Variants in MLKL observed in about 807,000 individuals in gnomAD.
MLKL encodes mixed lineage kinase domain like pseudokinase.
MLKL carries 55 observed loss-of-function variants against 56.5 expected under a neutral mutation model. The observed-to-expected ratio is 0.97, with a 90% CI of 0.78 to 1.22. MLKL has a LOEUF of 1.22. Ranked by LOEUF, MLKL falls within the 50% of genes most tolerant of loss-of-function variation. MLKL has a pLI of 0.00. For synonymous variants in MLKL, 251 were observed against 208.3 expected, an observed-to-expected ratio of 1.20 and a Z score of -1.76; for missense variants, 694 against 573.9, an observed-to-expected ratio of 1.21 and a Z score of -2.14.
At position 74,682,102 on chromosome 16, in the gene MLKL, A is replaced by C. The variant is rs866688722; in HGVS notation, c.956+549T>G. ...CTCTACAAAAAATATATATAAAAAAAAAACTGGCTGAGTGTAGTGGTGTGC... is the reference window on the plus strand; with the variant it reads ...CTCTACAAAAAATATATATAAAAAACAAACTGGCTGAGTGTAGTGGTGTGC... On this transcript the variant is annotated intron_variant, in intron 6 of 10. Coordinates refer to ENST00000308807, the MANE Select transcript of MLKL (RefSeq NM_152649.4). Among the ~76,000 whole-genome samples, 7 of 151,704 alleles carry C rather than the reference A, an allele frequency of 4.6e-5. No homozygotes were observed. In the South Asian group the frequency reaches 1.5e-3, roughly 32 times the overall value.
intron 6 of MLKL, among the ~76,000 whole-genome samples, chr16:74,680,207 G>T (rs190660688): frequency 6.6e-6 from 1 of 152,192 alleles, no homozygotes; most frequent in Non-Finnish European, 1.5e-5. Flanking sequence ...CCGAGAGGGG[G>T]ATGGGTAAAT....
At chr16:74,683,827 T>A (rs748347784) in intron 5 of MLKL, among the ~76,000 whole-genome samples, 1 of 152,130 alleles carries the variant, frequency 6.6e-6, no homozygotes, top group Non-Finnish European at 1.5e-5. Context: ...GGGTGAGGAC[T>A]CAGACAAGAA....
chr16:74,699,183 A>T (rs964537641), intron 1 of MLKL, among the ~76,000 whole-genome samples: 1 of 152,146 alleles, frequency 6.6e-6, no homozygotes, highest in African/African-American at 2.4e-5. Flanking sequence ...AGAAAGGAGG[A>T]AAGAGAAGTG....
intron 10 of MLKL, 27 bp downstream of exon 10, chr16:74,674,933 C>A: frequency 1.2e-6 from 2 of 1,605,380 alleles, no homozygotes; most frequent in East Asian, 2.2e-5. Flanking sequence ...ATGGGGCTCA[C>A]GCTCTTTACA....
intron 4 of MLKL, 43 bp from the exon 5 acceptor site, chr16:74,685,626 G>A: frequency 6.6e-7 from 1 of 1,515,908 alleles, no homozygotes; most frequent in Non-Finnish European, 9.1e-7. Context: ...AGAACTGGAA[G>A]GTTCCTTAGA....
intron 4 of MLKL, among the ~76,000 whole-genome samples, chr16:74,690,381 C>G (rs1051565405): frequency 6.6e-6 from 1 of 152,140 alleles, no homozygotes; most frequent in African/African-American, 2.4e-5. Flanking sequence ...CCATCATTTT[C>G]TCTCCTGGTG....
intron 1 of MLKL, among the ~76,000 whole-genome samples, chr16:74,698,502 GAC>G (rs1190223068): frequency 6.6e-6 from 1 of 152,170 alleles, no homozygotes; most frequent in Admixed American, 6.6e-5. Context: ...CTCCTAAAAA[GAC>G]TAGTGGATCT....
rs1248015811 is a variant in MLKL at position 74,695,360 on chromosome 16, C to T, written c.398G>A (p.Trp133Ter). The T allele has an allele frequency of 6.2e-7, 1 of 1,614,082 alleles. No individual in the cohort carries two copies. Among genetic ancestry groups the T allele is most frequent in the Non-Finnish European group, 8.5e-7 (1 of 1,180,052 alleles). ...PVSPISQGAS[W>*]AQEDQQDADE... ...TGCATCCTGCTGATCTTCCTGTGCC[C>T]AGGACGCTCCTTGGCTTATGGGTGA... Residue 133 changes from tryptophan (W) to a stop codon, truncating the protein, a stop_gained, in exon 2 of 11, where the codon TGG (tryptophan) becomes TAG (stop). Transcript: ENST00000308807. LOFTEE classifies it high-confidence loss of function.
At chr16:74,693,063 T>C (rs1457439669) in intron 2 of MLKL, among the ~76,000 whole-genome samples, 1 of 152,156 alleles carries the variant, frequency 6.6e-6, no homozygotes, top group Non-Finnish European at 1.5e-5. Context: ...TTGGTAGAAG[T>C]AATATCTGTG....
At chr16:74,692,777 T>G (rs1326186030) in intron 2 of MLKL, among the ~76,000 whole-genome samples, 1 of 152,256 alleles carries the variant, frequency 6.6e-6, no homozygotes, top group African/African-American at 2.4e-5. Context: ...AAGGAGGACA[T>G]TCACCTTGGA....
chr16:74,695,873 G>T, intron 1 of MLKL, 114 bp from the exon 2 acceptor site: 4 of 883,414 alleles, frequency 4.5e-6, no homozygotes, highest in South Asian at 1.8e-5. Context: ...GGTCTCCCCA[G>T]CATTTTCATG....
At chr16:74,690,695 T>C (rs553912112) in intron 4 of MLKL, among the ~76,000 whole-genome samples, 13 of 143,960 alleles carry the variant, frequency 9.0e-5, no homozygotes, top group African/African-American at 1.3e-4. Context: ...GGTGTGAGGA[T>C]TGCTGGAGCC....
chr16:74,684,979 C>T (rs971207220), intron 5 of MLKL, among the ~76,000 whole-genome samples: 2 of 152,132 alleles, frequency 1.3e-5, no homozygotes, highest in Non-Finnish European at 2.9e-5. Context: ...ATTCTCCCAC[C>T]TCAGCCTCCC....
At chr16:74,695,220 G>T in intron 2 of MLKL, 78 bp downstream of exon 2, 3 of 1,426,986 alleles carry the variant, frequency 2.1e-6, no homozygotes, top group Non-Finnish European at 2.9e-6. Flanking sequence ...CTTCATCATT[G>T]CTGCTCCTTT....
intron 6 of MLKL, among the ~76,000 whole-genome samples, chr16:74,679,565 T>C (rs1959810911): frequency 6.6e-6 from 1 of 152,134 alleles, no homozygotes. Flanking sequence ...CCCCACACTT[T>C]GGGAGACCAA....
rs1361327800 is a variant in MLKL at position 74,695,742 on chromosome 16, G to A, written c.16C>T (p.His6Tyr). Residue 6 changes from histidine to tyrosine, a missense_variant, in exon 2 of 11, where the codon CAT becomes TAT. His to Tyr is a moderately conservative substitution (Grantham distance 83). Coordinates refer to ENST00000308807, the MANE Select transcript of MLKL (RefSeq NM_152649.4). MENLK[H>Y]IITLGQVIHK... is the part of the protein sequence containing the mutation. The stretch of plus-strand genomic sequence containing the variant: ...ATGACCTGGCCAAGGGTGATAATAT[G>A]CTTCAAATTTTCCATGCCTGGAAGA... 3 of 1,586,812 alleles carry A rather than the reference G, an allele frequency of 1.9e-6. No individual in the cohort carries two copies. In the East Asian group the frequency reaches 6.7e-5, roughly 36 times the overall value.
intron 10 of MLKL, among the ~76,000 whole-genome samples, chr16:74,672,741 A>C (rs1275638274): frequency 6.6e-6 from 1 of 152,198 alleles, no homozygotes; most frequent in Non-Finnish European, 1.5e-5. Flanking sequence ...AACACCTCAC[A>C]GGAGGGGGTA....
chr16:74,692,332 G>A lies in MLKL; in HGVS notation c.535+10C>T, dbSNP rs751334080. On this transcript the variant is annotated intron_variant, in intron 3 of 10. Transcript: ENST00000308807. ...GGCCATCAGAAACAGCAGGGCACATGATAACTTACACTGCCTCAAAGTTTC... is the reference window on the plus strand; with the variant it reads ...GGCCATCAGAAACAGCAGGGCACATAATAACTTACACTGCCTCAAAGTTTC... The A allele has an allele frequency of 6.2e-7, 1 of 1,611,976 alleles. No individual in the cohort carries two copies.
chr16:74,682,606 A>C lies in MLKL; in HGVS notation c.956+45T>G, dbSNP rs914981313. ...ATCTCTGGGAGTATCAGGAGTGTGG[A>C]CAGACCCATCCAACCCTTAGTGGCG... On this transcript the variant is annotated intron_variant, in intron 6 of 10. Coordinates refer to ENST00000308807, the MANE Select transcript of MLKL (RefSeq NM_152649.4). 8 of 1,608,866 alleles carry C rather than the reference A, an allele frequency of 5.0e-6. No homozygotes were observed. The African/African-American group carries it at 1.1e-4, about 22-fold the overall frequency.
Sources: gnomAD v4.1 joint callset for allele counts (sites outside exome capture counted in the v4.1 genomes callset) on GRCh38, gnomAD v4.1.1 for gene constraint, MANE v1.5 for transcripts, NCBI Gene and HGNC (gene_info 2026-07-23, HGNC 2026-07-21) for gene names.